The following KCNMA1 variants were observed in gnomAD, a reference collection of about 807,000 sequenced individuals.
KCNMA1 encodes the protein potassium calcium-activated channel subfamily M alpha 1.
In KCNMA1, 29 loss-of-function variants were observed where a neutral mutation model predicts 140.0. That is an observed-to-expected ratio of 0.21 (90% CI 0.15 to 0.28). The LOEUF (loss-of-function observed/expected upper bound fraction) is 0.28. Among genes scored for constraint, KCNMA1 ranks in the 10% least tolerant of loss-of-function variants. The pLI, the probability that KCNMA1 is intolerant of heterozygous loss-of-function variation, is 1.00. For synonymous variants in KCNMA1, 612 were observed against 611.9 expected (o/e 1.00, Z 0.00); for missense variants, 880 against 1,602.2 (o/e 0.55, Z 7.70).
chr10:76,949,002 G>A (rs1047941247), intron 22 of KCNMA1, 140 bp downstream of exon 22: 6 of 811,948 alleles, frequency 7.4e-6, no homozygotes, highest in Non-Finnish European at 1.3e-5. Flanking sequence ...ACAGAGCATA[G>A]GGGAAGTGCT....
chr10:77,508,581 C>CTTTTTTTT (rs761735012), intron 1 of KCNMA1, among the ~76,000 whole-genome samples: 51 of 99,862 alleles, frequency 5.1e-4, no homozygotes, highest in East Asian at 1.5e-3. Flanking sequence ...TTTTTCTTTT[C>CTTTTTTTT]TTTTTTTTTT....
intron 19 of KCNMA1, among the ~76,000 whole-genome samples, chr10:76,992,102 T>C (rs1232626640): frequency 6.6e-6 from 1 of 152,212 alleles, no homozygotes; most frequent in Non-Finnish European, 1.5e-5. Context: ...TCTTGCGGTA[T>C]TGAAGGGGCT....
chr10:77,151,108 C>T (rs1038159729), intron 5 of KCNMA1, among the ~76,000 whole-genome samples: 2 of 149,616 alleles, frequency 1.3e-5, no homozygotes, highest in African/African-American at 5.0e-5. Context: ...TCTCTCTTTT[C>T]TTCTCTCTCT....
At chr10:77,384,267 A>G (rs1379518205) in intron 2 of KCNMA1, among the ~76,000 whole-genome samples, 1 of 152,228 alleles carries the variant, frequency 6.6e-6, no homozygotes, top group South Asian at 2.1e-4. Context: ...ACACCTATGC[A>G]GCTGCACAGG....
chr10:77,470,509 C>T (rs1483232598), intron 1 of KCNMA1, among the ~76,000 whole-genome samples: 1 of 151,736 alleles, frequency 6.6e-6, no homozygotes, highest in Non-Finnish European at 1.5e-5. Flanking sequence ...CACATGAGGG[C>T]TCTGGGCAGG....
chr10:77,523,869 C>T (rs1418163745), intron 1 of KCNMA1, among the ~76,000 whole-genome samples: 1 of 152,082 alleles, frequency 6.6e-6, no homozygotes, highest in African/African-American at 2.4e-5. Flanking sequence ...ATGAATAACA[C>T]CTACTATCTG....
chr10:77,484,629 T>G (rs541464075), intron 1 of KCNMA1, among the ~76,000 whole-genome samples: 1 of 152,334 alleles, frequency 6.6e-6, no homozygotes, highest in South Asian at 2.1e-4. Flanking sequence ...ATTCAAACTG[T>G]GTGCCCCTGC....
At chr10:77,238,308 G>A (rs548838392) in intron 3 of KCNMA1, among the ~76,000 whole-genome samples, 1 of 152,282 alleles carries the variant, frequency 6.6e-6, no homozygotes, top group Middle Eastern at 3.4e-3. Context: ...CTAGTTCCTG[G>A]TGCAACAGCA....
intron 18 of KCNMA1, among the ~76,000 whole-genome samples, chr10:77,004,369 A>C (rs1013743909): frequency 6.6e-6 from 1 of 152,154 alleles, no homozygotes; most frequent in Admixed American, 6.5e-5. Context: ...TCAAGGTGCC[A>C]CCAACTGGGA....
At chr10:77,479,665 C>T (rs1437569628) in intron 1 of KCNMA1, among the ~76,000 whole-genome samples, 3 of 152,180 alleles carry the variant, frequency 2.0e-5, no homozygotes, top group Non-Finnish European at 4.4e-5. Flanking sequence ...CAGGTAAACC[C>T]AGGTGGCCAA....
chr10:77,577,487 T>C (rs908266718), intron 1 of KCNMA1, among the ~76,000 whole-genome samples: 2 of 152,180 alleles, frequency 1.3e-5, no homozygotes, highest in Admixed American at 6.5e-5. Flanking sequence ...CTATGCAAGA[T>C]GGTCCCGTCC....
chr10:76,882,392 C>T (rs370521668), downstream of KCNMA1, among the ~76,000 whole-genome samples: 1 of 152,102 alleles, frequency 6.6e-6, no homozygotes, highest in Non-Finnish European at 1.5e-5. Flanking sequence ...CAAGGAGCTT[C>T]GACCTTCAAG....
intron 1 of KCNMA1, among the ~76,000 whole-genome samples, chr10:77,611,984 A>T (rs145033286): frequency 2.0e-5 from 3 of 152,354 alleles, no homozygotes; most frequent in African/African-American, 7.2e-5. Flanking sequence ...TAGTGACATG[A>T]TTTAAGAAAT....
chr10:77,280,013 C>A (rs1472066828), intron 2 of KCNMA1, among the ~76,000 whole-genome samples: 1 of 152,164 alleles, frequency 6.6e-6, no homozygotes, highest in Non-Finnish European at 1.5e-5. Context: ...CCCTTCGAAC[C>A]CACAGTACAT....
At chr10:77,190,220 A>C (rs1598334075) in intron 3 of KCNMA1, among the ~76,000 whole-genome samples, 1 of 152,190 alleles carries the variant, frequency 6.6e-6, no homozygotes, top group Non-Finnish European at 1.5e-5. Flanking sequence ...GGGAGGAAAA[A>C]AATTCTAAAC....
intron 5 of KCNMA1, among the ~76,000 whole-genome samples, chr10:77,134,327 A>G (rs1387152093): frequency 1.3e-5 from 2 of 152,174 alleles, no homozygotes; most frequent in Non-Finnish European, 2.9e-5. Context: ...AATTCTTTGT[A>G]ATGTCAAAAG....
At chr10:77,537,377 T>C (rs1326982397) in intron 1 of KCNMA1, among the ~76,000 whole-genome samples, 1 of 152,200 alleles carries the variant, frequency 6.6e-6, no homozygotes, top group Non-Finnish European at 1.5e-5. Context: ...GAGCCTACAG[T>C]GCCCACACCT....
chr10:77,315,445 T>C (rs1173889712), intron 2 of KCNMA1: 1 of 152,220 alleles, frequency 6.6e-6, no homozygotes, highest in East Asian at 1.9e-4. Context: ...CTTGTGTTTG[T>C]TTCCTCTTAG....
intron 2 of KCNMA1, among the ~76,000 whole-genome samples, chr10:77,384,812 C>T (rs553443915): frequency 9.8e-5 from 15 of 152,326 alleles, no homozygotes; most frequent in African/African-American, 3.4e-4. Context: ...TTTCTGGAGC[C>T]ACGTATGTTT....
Sources: allele counts gnomAD v4.1 joint callset (sites outside exome capture counted in the v4.1 genomes callset), GRCh38; gene constraint gnomAD v4.1.1; transcripts MANE v1.5; gene names NCBI Gene and HGNC (gene_info 2026-07-23, HGNC 2026-07-21).